The following CPPED1 variants were observed in gnomAD, a reference collection of about 807,000 sequenced individuals.
CPPED1 encodes the protein calcineurin like phosphoesterase domain containing 1.
CPPED1 carries 28 observed loss-of-function variants against 28.0 expected under a neutral mutation model. The ratio of observed to expected loss-of-function variants is 1.00; its 90% CI spans 0.74 to 1.37. The LOEUF is 1.37. CPPED1 is among the 40% of genes most tolerant of loss of function. The pLI is 0.00. For missense variants in CPPED1, 504 were observed against 416.5 expected, an observed-to-expected ratio of 1.21 and a Z score of -1.83; for synonymous variants, 198 against 180.2, an observed-to-expected ratio of 1.10 and a Z score of -0.79.
intron 3 of CPPED1, among the ~76,000 whole-genome samples, chr16:12,673,323 C>A (rs1407164441): frequency 6.6e-6 from 1 of 152,214 alleles, no homozygotes. Flanking sequence ...CCTGGGGGAA[C>A]GCTGAACGGC....
rs78707326 is a variant in CPPED1, at chr16:12,711,952, G to A, written c.290-6903C>T. Among the ~76,000 whole-genome samples, 353 of 152,218 alleles carry A rather than the reference G, an allele frequency of 2.3e-3. 4 individuals carry two copies. The highest frequency in any genetic ancestry group is 0.01 in the East Asian group (53 of 5,182). Reference sequence around the variant, plus strand: ...AAGAGACAGGGGAGGAGGGAGGCAGGTCTCAGGTGTTCAGAGATCTCCCTC... The same window carrying A: ...AAGAGACAGGGGAGGAGGGAGGCAGATCTCAGGTGTTCAGAGATCTCCCTC... On this transcript the variant is annotated intron_variant, in intron 2 of 3. Transcript: ENST00000381774.
intron 2 of CPPED1, among the ~76,000 whole-genome samples, chr16:12,715,528 C>CA (rs2080102770): frequency 6.6e-6 from 1 of 152,088 alleles, no homozygotes; most frequent in African/African-American, 2.4e-5. Flanking sequence ...GGCATGGTGG[C>CA]ACACATCTGT....
chr16:12,723,444 G>C (rs920919516), intron 2 of CPPED1, among the ~76,000 whole-genome samples: 6 of 152,180 alleles, frequency 3.9e-5, no homozygotes, highest in African/African-American at 1.2e-4. Flanking sequence ...GTGAGCCTTA[G>C]TTCAGCCTGA....
At chr16:12,740,874 C>G (rs2080251835) in intron 2 of CPPED1, among the ~76,000 whole-genome samples, 1 of 152,152 alleles carries the variant, frequency 6.6e-6, no homozygotes, top group South Asian at 2.1e-4. Context: ...GCACCATGTC[C>G]CCTACTGCTT....
intron 3 of CPPED1, among the ~76,000 whole-genome samples, chr16:12,668,010 T>C (rs957446173): frequency 2.0e-5 from 3 of 152,224 alleles, no homozygotes; most frequent in African/African-American, 7.2e-5. Context: ...AAAGAAATGA[T>C]AATCACACAG....
chr16:12,707,803 T>A (rs1366672645), intron 2 of CPPED1, among the ~76,000 whole-genome samples: 3 of 151,798 alleles, frequency 2.0e-5, no homozygotes, highest in Non-Finnish European at 4.4e-5. Flanking sequence ...CCCCCAGTAA[T>A]CTGTTAAAAA....
At chr16:12,666,715 C>T (rs1046382664) in intron 3 of CPPED1, among the ~76,000 whole-genome samples, 4 of 152,120 alleles carry the variant, frequency 2.6e-5, no homozygotes, top group Non-Finnish European at 5.9e-5. Flanking sequence ...CCAACAGCCT[C>T]AAGAGCATGG....
At chr16:12,716,821 T>A (rs1261053263) in intron 2 of CPPED1, among the ~76,000 whole-genome samples, 1 of 152,194 alleles carries the variant, frequency 6.6e-6, no homozygotes, top group Non-Finnish European at 1.5e-5. Context: ...GTGTCTTTGT[T>A]CTCAATGGCC....
intron 2 of CPPED1, among the ~76,000 whole-genome samples, chr16:12,721,345 C>T (rs186437908): frequency 8.5e-5 from 13 of 152,260 alleles, no homozygotes; most frequent in Admixed American, 7.2e-4. Context: ...GAATATAACC[C>T]GGTTATAAAA....
chr16:12,725,464 A>T (rs2080164897), intron 2 of CPPED1, among the ~76,000 whole-genome samples: 1 of 151,994 alleles, frequency 6.6e-6, no homozygotes, highest in Admixed American at 6.6e-5. Flanking sequence ...ATAGGCTTTT[A>T]TTTTTTTCAC....
At chr16:12,733,070 G>C (rs1272375964) in intron 2 of CPPED1, among the ~76,000 whole-genome samples, 1 of 152,122 alleles carries the variant, frequency 6.6e-6, no homozygotes, top group Non-Finnish European at 1.5e-5. Flanking sequence ...CGGGAAATTG[G>C]TAAGCTCAGA....
At chr16:12,737,215 A>AAT (rs1567290965) in intron 2 of CPPED1, among the ~76,000 whole-genome samples, 2 of 151,966 alleles carry the variant, frequency 1.3e-5, no homozygotes, top group African/African-American at 4.8e-5. Context: ...ATAATAATAA[A>AAT]AAAAATCAGA....
At chr16:12,742,759 A>C (rs967248233) in intron 2 of CPPED1, among the ~76,000 whole-genome samples, 2 of 152,172 alleles carry the variant, frequency 1.3e-5, no homozygotes, top group Non-Finnish European at 2.9e-5. Context: ...GGGATCCCAA[A>C]GATCACCCCC....
intron 2 of CPPED1, among the ~76,000 whole-genome samples, chr16:12,774,327 G>C (rs1310345978): frequency 6.6e-6 from 1 of 151,982 alleles, no homozygotes; most frequent in African/African-American, 2.4e-5. Flanking sequence ...AATTAGCCAG[G>C]TGTGGTGGCA....
intron 2 of CPPED1, among the ~76,000 whole-genome samples, chr16:12,727,037 C>G (rs760059357): frequency 2.6e-5 from 4 of 152,078 alleles, no homozygotes; most frequent in Non-Finnish European, 5.9e-5. Flanking sequence ...ATCCTCACAG[C>G]ACCTGTCAAG....
intron 3 of CPPED1, among the ~76,000 whole-genome samples, chr16:12,693,332 G>A (rs570231917): frequency 4.6e-5 from 7 of 152,072 alleles, no homozygotes; most frequent in Admixed American, 4.6e-4. Context: ...CTCCCATGTA[G>A]CTGGGCGTGC....
At chr16:12,767,379 A>AT (rs2080445716) in intron 2 of CPPED1, among the ~76,000 whole-genome samples, 1 of 152,164 alleles carries the variant, frequency 6.6e-6, no homozygotes, top group Non-Finnish European at 1.5e-5. Context: ...TAGTGAAGGC[A>AT]TATCTTCTTC....
intron 3 of CPPED1, among the ~76,000 whole-genome samples, chr16:12,695,616 A>G (rs1206433935): frequency 6.6e-6 from 1 of 152,216 alleles, no homozygotes; most frequent in Non-Finnish European, 1.5e-5. Context: ...CTGTATACAC[A>G]GTGAACTGGA....
chr16:12,762,966 C>A (rs866395760), intron 2 of CPPED1, among the ~76,000 whole-genome samples: 1 of 151,990 alleles, frequency 6.6e-6, no homozygotes, highest in Admixed American at 6.6e-5. Context: ...CGGTGGCTCA[C>A]GCCTGTAATC....
Sources: allele counts gnomAD v4.1 joint callset (sites outside exome capture counted in the v4.1 genomes callset), GRCh38; gene constraint gnomAD v4.1.1; transcripts MANE v1.5; gene names NCBI Gene and HGNC (gene_info 2026-07-23, HGNC 2026-07-21).